Variants in ANKRD63 observed in about 807,000 individuals in gnomAD.
The protein encoded by ANKRD63 is ankyrin repeat domain 63, also known as ankyrin repeat domain-containing protein 63.
In ANKRD63, 18 loss-of-function variants were observed where a neutral mutation model predicts 21.2. The observed-to-expected ratio is 0.85, with a 90% CI of 0.59 to 1.26. The LOEUF (loss-of-function observed/expected upper bound fraction) is 1.26, where lower values mean the gene tolerates loss of function less well. Among genes scored for constraint, ANKRD63 ranks in the 50% most tolerant of loss-of-function variants. The pLI is 0.00. For synonymous variants in ANKRD63, 322 were observed against 273.3 expected (o/e 1.18, Z -1.76); for missense variants, 523 against 570.9 (o/e 0.92, Z 0.85).
chr15:40,280,067 G>A lies in ANKRD63; in HGVS notation c.*1377C>T, dbSNP rs1394063608. On this transcript the variant is annotated 3_prime_UTR_variant, in exon 1 of 1. Coordinates refer to ENST00000434396, the MANE Select transcript of ANKRD63 (RefSeq NM_001190479.3). ...AAAGGGCCTCTGACCACCTCTCTGC[G>A]GTTGCCTCTGACTTACTCATCTACC... Among the ~76,000 whole-genome samples the A allele has an allele frequency of 6.6e-6, 1 of 152,218 alleles. No individual in the cohort carries two copies. The highest frequency in any genetic ancestry group is 6.5e-5 in the Admixed American group (1 of 15,290).
chr15:40,282,734 A>G lies in ANKRD63; in HGVS notation c.-148T>C. Reference sequence around the variant, plus strand: ...TGCAGCCGAGGGTCCCGAGGTTCCTACTCCGCTGTCCCGGAGGCTCCGACT... The same window carrying G: ...TGCAGCCGAGGGTCCCGAGGTTCCTGCTCCGCTGTCCCGGAGGCTCCGACT... On this transcript the variant is annotated 5_prime_UTR_variant, in exon 1 of 1. Coordinates refer to ENST00000434396, the MANE Select transcript of ANKRD63 (RefSeq NM_001190479.3). The G allele has an allele frequency of 3.4e-6, 2 of 587,792 alleles. No individual in the cohort carries two copies. Among genetic ancestry groups the G allele is most frequent in the Non-Finnish European group, 5.3e-6 (2 of 375,694 alleles). 36.4% of individuals were successfully genotyped at this position (587,792 alleles called of 1,614,324 possible).
Position 40,279,430 on chromosome 15 carries a change from C to A in ANKRD63, c.*2014G>T, listed in dbSNP as rs929045606. Among the ~76,000 whole-genome samples, 6 of 152,296 alleles carry A rather than the reference C, an allele frequency of 3.9e-5. No homozygotes were observed. Among genetic ancestry groups the A allele is most frequent in the African/African-American group, 1.2e-4 (5 of 41,544 alleles). On this transcript the variant is annotated 3_prime_UTR_variant, in exon 1 of 1. Transcript: ENST00000434396. The stretch of plus-strand genomic sequence containing the variant: ...CTGCTGTAAAGTGACTTCAAGTATC[C>A]GGATTTAATATTCTACAAGAGGAAG...
In ANKRD63 at chr15:40,281,684, C is replaced by T. The variant is rs2039544740; in HGVS notation, c.903G>A (p.Ala301=). ...RWRSQEVLEG[A]PPTLAQAPIG... ...TGGGGGCTTGCGCTAAGGTTGGGGG[C>T]GCTCCCTCCAGCACCTCCTGTGAGC... Residue 301 remains alanine (A), a synonymous_variant, in exon 1 of 1, where the codon GCG becomes GCA. Coordinates refer to ENST00000434396, the MANE Select transcript of ANKRD63 (RefSeq NM_001190479.3). The T allele has an allele frequency of 5.9e-6, 9 of 1,530,886 alleles. No homozygotes were observed. The highest frequency in any genetic ancestry group is 7.9e-6 in the Non-Finnish European group (9 of 1,143,630). The allele number at this position is 1,530,886 out of a possible 1,614,324, so 94.8% of individuals were successfully genotyped here.
Position 40,282,136 on chromosome 15 carries a change from T to C in ANKRD63, c.451A>G (p.Asn151Asp). The change falls in exon 1 of 1, where the codon AAC (asparagine) becomes GAC (aspartate). Residue 151 changes from asparagine (N) to aspartate (D), a missense_variant. Physicochemically the swap from Asn to Asp is conservative, Grantham distance 23 (BLOSUM62 1). This residue lies in a region of ANKRD63 where 215 missense variants were observed against 280.4 expected (regional missense o/e 0.77). Coordinates refer to ENST00000434396, the MANE Select transcript of ANKRD63 (RefSeq NM_001190479.3). ...RRLGLRLDRT[N>D]RAGLTALQLA... ...TGCAGCGCGGTGAGCCCCGCACGGT[T>C]GGTGCGGTCGAGGCGCAGGCCTAGG... 6.8e-7 allele frequency: 1 copy of C among 1,467,256 alleles called. No individual in the cohort carries two copies. The highest frequency in any genetic ancestry group is 1.3e-5 in the South Asian group (1 of 75,886). 90.9% of individuals were successfully genotyped at this position (1,467,256 alleles called of 1,614,324 possible).
At position 40,281,622 on chromosome 15, in the gene ANKRD63, G is replaced by A; in HGVS notation, c.965C>T (p.Ser322Phe). 1 of 1,527,122 alleles carries A rather than the reference G, an allele frequency of 6.5e-7. No homozygotes were observed. 94.6% of individuals were successfully genotyped at this position (1,527,122 alleles called of 1,614,324 possible). The change falls in exon 1 of 1, where the codon TCT (serine) becomes TTT (phenylalanine). Residue 322 changes from serine (S) to phenylalanine (F), a missense_variant. By Grantham distance (155) the Ser-to-Phe change is radical. Coordinates refer to ENST00000434396, the MANE Select transcript of ANKRD63 (RefSeq NM_001190479.3). The stretch of plus-strand genomic sequence containing the variant: ...GCGTCGGCGCAAACCCAGGCGGCCA[G>A]AGCCGGGGCCGCCCTCCGGGTGGGG... ...LSPHPEGGPG[S>F]GRLGLRRRST...
At position 40,281,626 on chromosome 15, in the gene ANKRD63, C is replaced by T. The variant is rs548350305; in HGVS notation, c.961G>A (p.Gly321Ser). 4.5e-5 allele frequency: 68 copies of T among 1,526,160 alleles called. No homozygotes were observed. The highest frequency in any genetic ancestry group is 1.5e-5 in the Non-Finnish European group (17 of 1,141,684). The allele number at this position is 1,526,160 out of a possible 1,614,324, so 94.5% of individuals were successfully genotyped here. ...GLSPHPEGGP[G>S]SGRLGLRRRS... Reference sequence around the variant, plus strand: ...CGGCGCAAACCCAGGCGGCCAGAGCCGGGGCCGCCCTCCGGGTGGGGACTG... The same window carrying T: ...CGGCGCAAACCCAGGCGGCCAGAGCTGGGGCCGCCCTCCGGGTGGGGACTG... Residue 321 changes from glycine to serine, a missense_variant, in exon 1 of 1, where the codon GGC (glycine) becomes AGC (serine). Physicochemically the swap from Gly to Ser is moderately conservative, Grantham distance 56. This residue lies in a region of ANKRD63 where 308 missense variants were observed against 290.4 expected (regional missense o/e 1.06). Transcript: ENST00000434396.
At position 40,282,144 on chromosome 15, in the gene ANKRD63, T is replaced by G; in HGVS notation, c.443A>C (p.Asp148Ala). The change falls in exon 1 of 1, where the codon GAC (aspartate) becomes GCC (alanine). Residue 148 changes from aspartate to alanine, a missense_variant. Physicochemically the swap from Asp to Ala is moderately radical, Grantham distance 126 (BLOSUM62 -2). Transcript: ENST00000434396. ...RSFRRLGLRL[D>A]RTNRAGLTAL... ...GGTGAGCCCCGCACGGTTGGTGCGG[T>G]CGAGGCGCAGGCCTAGGCGGCGGAA... 1 of 1,470,832 alleles carries G rather than the reference T, an allele frequency of 6.8e-7. No individual in the cohort carries two copies. Among genetic ancestry groups the G allele is most frequent in the Non-Finnish European group, 8.9e-7 (1 of 1,120,340 alleles). The allele number at this position is 1,470,832 out of a possible 1,614,324, so 91.1% of individuals were successfully genotyped here. A position where few individuals can be genotyped will look rare whatever the true frequency, so the allele number is the denominator to read the frequency against.
rs1280412357 is a variant in ANKRD63, at chr15:40,281,078, G to T, written c.*366C>A. Among the ~76,000 whole-genome samples, 2 of 152,206 alleles carry T rather than the reference G, an allele frequency of 1.3e-5. No individual in the cohort carries two copies. The highest frequency in any genetic ancestry group is 4.8e-5 in the African/African-American group (2 of 41,456). On this transcript the variant is annotated 3_prime_UTR_variant, in exon 1 of 1. Coordinates refer to ENST00000434396, the MANE Select transcript of ANKRD63 (RefSeq NM_001190479.3). ...CAAGGTGGACCCTTCTATTTACCTG[G>T]CTGCCCAGTTGTTGGGAAACCCAGC...
chr15:40,279,378 G>GT lies in ANKRD63; in HGVS notation c.*2065dup, dbSNP rs1294042517. 6.6e-6 allele frequency among the ~76,000 whole-genome samples: 1 copy of GT among 152,212 alleles called. No individual in the cohort carries two copies. Among genetic ancestry groups the GT allele is most frequent in the Non-Finnish European group, 1.5e-5 (1 of 68,036 alleles). On this transcript the variant is annotated 3_prime_UTR_variant, in exon 1 of 1. Coordinates refer to ENST00000434396, the MANE Select transcript of ANKRD63 (RefSeq NM_001190479.3). ...TGGGCTCCTGCTACTCTCAATGCGA[G>GT]TTTTTTGTTCATTGTCCCTCACTTC...
rs967097291 is a variant in ANKRD63 at position 40,278,932 on chromosome 15, T to A, written c.*2512A>T. Reference sequence around the variant, plus strand: ...AAAGATTACAGCACCTCTGATACAATGTGCAACCCAGACTTCATGCTGTTA... The same window carrying A: ...AAAGATTACAGCACCTCTGATACAAAGTGCAACCCAGACTTCATGCTGTTA... On this transcript the variant is annotated 3_prime_UTR_variant, in exon 1 of 1. Transcript: ENST00000434396. Among the ~76,000 whole-genome samples, 8 of 152,240 alleles carry A rather than the reference T, an allele frequency of 5.3e-5. No individual in the cohort carries two copies. Among genetic ancestry groups the A allele is most frequent in the Non-Finnish European group, 1.0e-4 (7 of 68,044 alleles).
At position 40,278,725 on chromosome 15, in the gene ANKRD63, G is replaced by C. The variant is rs1566861811; in HGVS notation, c.*2719C>G. Reference sequence around the variant, plus strand: ...GGGAAGGAGTCTGTATGTATGGACAGCAAGGCAGTCAGACACACGATGCAG... The same window carrying C: ...GGGAAGGAGTCTGTATGTATGGACACCAAGGCAGTCAGACACACGATGCAG... On this transcript the variant is annotated 3_prime_UTR_variant, in exon 1 of 1. Transcript: ENST00000434396. 6.6e-6 allele frequency among the ~76,000 whole-genome samples: 1 copy of C among 152,174 alleles called. No homozygotes were observed. The highest frequency in any genetic ancestry group is 2.4e-5 in the African/African-American group (1 of 41,430).
In ANKRD63 at chr15:40,279,578, A is replaced by G. The variant is rs1205631487; in HGVS notation, c.*1866T>C. Among the ~76,000 whole-genome samples, 1 of 152,190 alleles carries G rather than the reference A, an allele frequency of 6.6e-6. No homozygotes were observed. Among genetic ancestry groups the G allele is most frequent in the African/African-American group, 2.4e-5 (1 of 41,456 alleles). On this transcript the variant is annotated 3_prime_UTR_variant, in exon 1 of 1. Transcript: ENST00000434396. ...GGGCCCAGCGCTGCCACCAGGGGGC[A>G]CCAGAGATCACGTCCAGTGCGCCGG...
Position 40,282,562 on chromosome 15 carries a change from G to C in ANKRD63, c.25C>G (p.Pro9Ala). 1 of 1,464,362 alleles carries C rather than the reference G, an allele frequency of 6.8e-7. No individual in the cohort carries two copies. Among genetic ancestry groups the C allele is most frequent in the Non-Finnish European group, 9.0e-7 (1 of 1,113,926 alleles). The allele number at this position is 1,464,362 out of a possible 1,614,324, so 90.7% of individuals were successfully genotyped here. A position where few individuals can be genotyped will look rare whatever the true frequency, so the allele number is the denominator to read the frequency against. ...AGGAAGGTGCGCGTCCCCGCTCGGG[G>C]GCACAGGTCCTTGGGTTTGAGCATG... Reference protein sequence around the residue: MLKPKDLCPRAGTRTFLEA... With the variant: MLKPKDLCARAGTRTFLEA... Residue 9 changes from proline (P) to alanine (A), a missense_variant, in exon 1 of 1, where the codon CCC becomes GCC. Coordinates refer to ENST00000434396, the MANE Select transcript of ANKRD63 (RefSeq NM_001190479.3).
rs1423447676 is a variant in ANKRD63, at chr15:40,279,442, T to C, written c.*2002A>G. Among the ~76,000 whole-genome samples, 1 of 152,210 alleles carries C rather than the reference T, an allele frequency of 6.6e-6. No individual in the cohort carries two copies. The highest frequency in any genetic ancestry group is 2.4e-5 in the African/African-American group (1 of 41,450). On this transcript the variant is annotated 3_prime_UTR_variant, in exon 1 of 1. Transcript: ENST00000434396. ...GACTTCAAGTATCCGGATTTAATAT[T>C]CTACAAGAGGAAGAGGATTCCACGA...
Position 40,281,458 on chromosome 15 carries a change from G to C in ANKRD63, c.1129C>G (p.Arg377Gly). 7 of 1,417,556 alleles carry C rather than the reference G, an allele frequency of 4.9e-6. No individual in the cohort carries two copies. The highest frequency in any genetic ancestry group is 6.4e-6 in the Non-Finnish European group (7 of 1,090,636). 87.8% of individuals were successfully genotyped at this position (1,417,556 alleles called of 1,614,324 possible). A position where few individuals can be genotyped will look rare whatever the true frequency, so the allele number is the denominator to read the frequency against. ...WQAGTEAVVL[R>G]AQR ...CTTGGCGCCGTTTACCGCTGAGCACGCAGCACCACAGCCTCGGTGCCCGCC... is the reference window on the plus strand; with the variant it reads ...CTTGGCGCCGTTTACCGCTGAGCACCCAGCACCACAGCCTCGGTGCCCGCC... The change falls in exon 1 of 1, where the codon CGT becomes GGT. Residue 377 changes from arginine to glycine, a missense_variant. Transcript: ENST00000434396.
chr15:40,283,022 C>T lies in ANKRD63; in HGVS notation c.-436G>A, dbSNP rs1036613661. ...CCCCCGCAGCGACGGTGGCGCCCGC[C>T]GTGCACGCCTGCCTCCAGCCCTGGC... On this transcript the variant is annotated 5_prime_UTR_variant, in exon 1 of 1. Transcript: ENST00000434396. 1.3e-5 allele frequency among the ~76,000 whole-genome samples: 2 copies of T among 152,224 alleles called. No individual in the cohort carries two copies. The highest frequency in any genetic ancestry group is 2.1e-4 in the South Asian group (1 of 4,834).
At position 40,281,615 on chromosome 15, in the gene ANKRD63, G is replaced by A. The variant is rs2039543293; in HGVS notation, c.972C>T (p.Arg324=). 4 of 1,527,974 alleles carry A rather than the reference G, an allele frequency of 2.6e-6. No individual in the cohort carries two copies. Among genetic ancestry groups the A allele is most frequent in the Non-Finnish European group, 3.5e-6 (4 of 1,142,816 alleles). 94.7% of individuals were successfully genotyped at this position (1,527,974 alleles called of 1,614,324 possible). ...CTGTGGAGCGTCGGCGCAAACCCAG[G>A]CGGCCAGAGCCGGGGCCGCCCTCCG... ...PHPEGGPGSG[R]LGLRRRSTAP... is the part of the protein sequence containing the mutation. Residue 324 remains arginine, a synonymous_variant, in exon 1 of 1, where the codon CGC becomes CGT. Transcript: ENST00000434396.
chr15:40,281,634 C>A lies in ANKRD63; in HGVS notation c.953G>T (p.Gly318Val). 1 of 1,526,152 alleles carries A rather than the reference C, an allele frequency of 6.6e-7. No homozygotes were observed. 94.5% of individuals were successfully genotyped at this position (1,526,152 alleles called of 1,614,324 possible). ...ACCCAGGCGGCCAGAGCCGGGGCCG[C>A]CCTCCGGGTGGGGACTGAGGCCAAT... ...APIGLSPHPE[G>V]GPGSGRLGLR... The change falls in exon 1 of 1, where the codon GGC becomes GTC. Residue 318 changes from glycine (G) to valine (V), a missense_variant. Around this residue, in one of 2 missense-constraint regions of ANKRD63, gnomAD observed 308 missense variants for 290.4 expected, o/e 1.06. Coordinates refer to ENST00000434396, the MANE Select transcript of ANKRD63 (RefSeq NM_001190479.3).
Position 40,281,562 on chromosome 15 carries a change from T to G in ANKRD63, c.1025A>C (p.Glu342Ala). The part of the protein sequence containing the change: ...TAPDIPSLVG[E>A]APGPESGPEL... Reference sequence around the variant, plus strand: ...CGGGCCACTCTCGGGCCCTGGCGCCTCCCCGACCAGGCTGGGGATATCTGG... The same window carrying G: ...CGGGCCACTCTCGGGCCCTGGCGCCGCCCCGACCAGGCTGGGGATATCTGG... The change falls in exon 1 of 1, where the codon GAG becomes GCG. Residue 342 changes from glutamate to alanine, a missense_variant. Transcript: ENST00000434396. 6.5e-7 allele frequency: 1 copy of G among 1,531,872 alleles called. No homozygotes were observed. Among genetic ancestry groups the G allele is most frequent in the Non-Finnish European group, 8.7e-7 (1 of 1,144,944 alleles). 94.9% of individuals were successfully genotyped at this position (1,531,872 alleles called of 1,614,324 possible).
Sources: allele counts gnomAD v4.1 joint callset (sites outside exome capture counted in the v4.1 genomes callset), GRCh38; gene constraint gnomAD v4.1.1; regional missense constraint gnomAD v4.1.1; transcripts MANE v1.5; gene names NCBI Gene and HGNC (gene_info 2026-07-23, HGNC 2026-07-21).